The following GUCY1A2 variants were observed in gnomAD, a reference collection of about 807,000 sequenced individuals.
GUCY1A2 encodes the protein guanylate cyclase soluble subunit alpha-2.
Under a neutral mutation model 63.5 loss-of-function variants are expected in GUCY1A2, and 27 were observed. That is an observed-to-expected ratio of 0.43 (90% CI 0.31 to 0.59). GUCY1A2 has a LOEUF of 0.59. Ranked by LOEUF, GUCY1A2 falls within the 20% of genes least tolerant of loss-of-function variation. GUCY1A2 has a pLI of 0.11. For missense variants in GUCY1A2, 768 were observed against 913.3 expected, an observed-to-expected ratio of 0.84 and a Z score of 2.05; for synonymous variants, 364 against 343.5, an observed-to-expected ratio of 1.06 and a Z score of -0.66.
At chr11:106,979,178 G>A (rs893987109) in intron 2 of GUCY1A2, among the ~76,000 whole-genome samples, 19 of 152,174 alleles carry the variant, frequency 1.2e-4, no homozygotes, top group African/African-American at 3.1e-4. Flanking sequence ...AGTATAGGCC[G>A]GGTGCGGTGG....
intron 4 of GUCY1A2, among the ~76,000 whole-genome samples, chr11:106,817,068 G>T (rs1858841918): frequency 6.6e-6 from 1 of 151,882 alleles, no homozygotes; most frequent in African/African-American, 2.4e-5. Context: ...AAATAAAAGG[G>T]GAAGGAACAT....
chr11:106,786,172 T>C (rs957757312), intron 5 of GUCY1A2, among the ~76,000 whole-genome samples: 1 of 152,152 alleles, frequency 6.6e-6, no homozygotes, highest in African/African-American at 2.4e-5. Context: ...CATAATGATT[T>C]AGCAATTCAA....
At chr11:107,004,982 G>GA (rs1459155404) in intron 1 of GUCY1A2, among the ~76,000 whole-genome samples, 2 of 152,178 alleles carry the variant, frequency 1.3e-5, no homozygotes, top group African/African-American at 4.8e-5. Context: ...AAAGTCCTAT[G>GA]ACCATGGTAA....
At position 107,017,812 on chromosome 11, in the gene GUCY1A2, G is replaced by T; in HGVS notation, c.244C>A (p.Arg82=). 1 of 1,413,598 alleles carries T rather than the reference G, an allele frequency of 7.1e-7. No individual in the cohort carries two copies. The highest frequency in any genetic ancestry group is 2.9e-5 in the East Asian group (1 of 35,012). 87.6% of individuals were successfully genotyped at this position (1,413,598 alleles called of 1,614,324 possible). A position where few individuals can be genotyped will look rare whatever the true frequency, so the allele number is the denominator to read the frequency against. Residue 82 remains arginine, a synonymous_variant, in exon 1 of 8, where the codon CGG becomes AGG. Coordinates refer to ENST00000526355, the MANE Select transcript of GUCY1A2 (RefSeq NM_000855.3). ...ATAGARRVQR[R]RRVNLDSLGE... is the part of the protein sequence containing the mutation. ...AGCGAGTCCAGGTTGACCCGCCTCC[G>T]GCGCTGCACCCTCCTGGCCCCGGCA...
intron 3 of GUCY1A2, among the ~76,000 whole-genome samples, chr11:106,972,903 G>A (rs953989322): frequency 1.3e-4 from 20 of 152,162 alleles, no homozygotes; most frequent in African/African-American, 2.9e-4. Flanking sequence ...AGAAGCCAGC[G>A]AAAAGGCTAC....
At chr11:106,747,627 C>T (rs915201545) in intron 6 of GUCY1A2, among the ~76,000 whole-genome samples, 4 of 152,208 alleles carry the variant, frequency 2.6e-5, no homozygotes, top group African/African-American at 4.8e-5. Flanking sequence ...CCTTTATCCA[C>T]CCCTTTTGGG....
chr11:106,862,327 T>C (rs1312637779), intron 4 of GUCY1A2, among the ~76,000 whole-genome samples: 1 of 30,668 alleles, frequency 3.3e-5, no homozygotes, highest in Non-Finnish European at 6.5e-5. Flanking sequence ...TTGAATGAGA[T>C]ATAAAAAAAA....
chr11:106,699,046 CA>C (rs553670292), intron 7 of GUCY1A2, among the ~76,000 whole-genome samples: 43 of 152,300 alleles, frequency 2.8e-4, no homozygotes, highest in African/African-American at 8.2e-4. Flanking sequence ...CCAAAATCCT[CA>C]ACAGTAATAC....
chr11:106,954,670 T>C (rs1860957773), intron 3 of GUCY1A2, among the ~76,000 whole-genome samples: 1 of 152,206 alleles, frequency 6.6e-6, no homozygotes, highest in African/African-American at 2.4e-5. Context: ...AGAACTAGTT[T>C]TATGAATCTG....
intron 6 of GUCY1A2, among the ~76,000 whole-genome samples, chr11:106,772,820 T>C (rs1864281257): frequency 6.6e-6 from 1 of 152,132 alleles, no homozygotes; most frequent in South Asian, 2.1e-4. Context: ...GGCTTGAAAA[T>C]TTAAGAACTG....
intron 2 of GUCY1A2, among the ~76,000 whole-genome samples, chr11:106,985,589 AT>A (rs1861390790): frequency 6.6e-6 from 1 of 152,226 alleles, no homozygotes; most frequent in Non-Finnish European, 1.5e-5. Flanking sequence ...TTTACACCAC[AT>A]CACAACCACT....
chr11:106,909,996 G>A (rs577239739), intron 4 of GUCY1A2, among the ~76,000 whole-genome samples: 2 of 151,982 alleles, frequency 1.3e-5, no homozygotes, highest in African/African-American at 4.8e-5. Flanking sequence ...ATTAAGAAAC[G>A]TAGATATATT....
At chr11:106,968,763 C>T (rs1463210923) in intron 3 of GUCY1A2, among the ~76,000 whole-genome samples, 3 of 1,578 alleles carry the variant, frequency 1.9e-3, no homozygotes, top group African/African-American at 7.9e-3. Context: ...AATCTCTCTA[C>T]CCAACCTGAT....
chr11:106,684,490 T>A lies in GUCY1A2; in HGVS notation c.*3059A>T, dbSNP rs1223639193. 1 of 190,990 alleles carries A rather than the reference T, an allele frequency of 5.2e-6. No homozygotes were observed. The highest frequency in any genetic ancestry group is 1.1e-5 in the Non-Finnish European group (1 of 91,144). The allele number at this position is 190,990 out of a possible 1,614,324, so 11.8% of individuals were successfully genotyped here. ...TAATGATTAAGGTCCACAAAGAAGA[T>A]ACAGGGTAGTACATTCTGAGTACAT... is the stretch of plus-strand genomic sequence containing the variant. On this transcript the variant is annotated 3_prime_UTR_variant, in exon 8 of 8. Transcript: ENST00000526355.
At chr11:106,941,986 GAC>G (rs1244881595) in intron 3 of GUCY1A2, among the ~76,000 whole-genome samples, 2 of 152,112 alleles carry the variant, frequency 1.3e-5, no homozygotes, top group African/African-American at 4.8e-5. Flanking sequence ...CAGGTTACAA[GAC>G]TGCTCTTCAA....
chr11:106,987,389 G>A lies in GUCY1A2; in HGVS notation c.304-1258C>T, dbSNP rs974508607. ...CCAGGAGCTGGGCACTCTGGCTCAC[G>A]CCTGTAATCCCAGCACTTTGGGAGG... On this transcript the variant is annotated intron_variant, in intron 1 of 7. Transcript: ENST00000526355. Among the ~76,000 whole-genome samples the A allele has an allele frequency of 1.6e-4, 25 of 152,302 alleles. 1 individual carries two copies. Among genetic ancestry groups the A allele is most frequent in the Admixed American group, 6.5e-4 (10 of 15,296 alleles).
At chr11:106,794,563 T>C (rs1349416548) in intron 5 of GUCY1A2, among the ~76,000 whole-genome samples, 1 of 152,076 alleles carries the variant, frequency 6.6e-6, no homozygotes, top group Non-Finnish European at 1.5e-5. Flanking sequence ...AACTATGTAT[T>C]AATTTGATTG....
At chr11:107,008,011 G>A (rs745815177) in intron 1 of GUCY1A2, among the ~76,000 whole-genome samples, 16 of 149,766 alleles carry the variant, frequency 1.1e-4, no homozygotes, top group South Asian at 2.1e-4. Context: ...GGCCTGGTGC[G>A]GTGGCTCACG....
Position 106,829,244 on chromosome 11 carries a change from G to T in GUCY1A2, c.1207-18766C>A, listed in dbSNP as rs1284839416. ...CACAATCACAATTACTGTAATCACG[G>T]AAGCTAAGATAAGGGAGGGTTGGGT... is the stretch of plus-strand genomic sequence containing the variant. On this transcript the variant is annotated intron_variant, in intron 4 of 7. Transcript: ENST00000526355. Among the ~76,000 whole-genome samples the T allele has an allele frequency of 2.0e-5, 3 of 152,178 alleles. No homozygotes were observed. In the East Asian group the frequency reaches 5.8e-4, roughly 29 times the overall value.
Sources: allele counts gnomAD v4.1 joint callset (sites outside exome capture counted in the v4.1 genomes callset), GRCh38; gene constraint gnomAD v4.1.1; transcripts MANE v1.5; gene names NCBI Gene and HGNC (gene_info 2026-07-23, HGNC 2026-07-21).